Variants in GEN1 observed in about 807,000 individuals in gnomAD.
GEN1 encodes the protein flap endonuclease GEN homolog 1.
A neutral mutation model predicts 67.6 loss-of-function variants in GEN1; 64 were observed. The ratio of observed to expected loss-of-function variants is 0.95; its 90% CI spans 0.77 to 1.17. GEN1 has a LOEUF of 1.17. Ranked by LOEUF, GEN1 falls within the 50% of genes most tolerant of loss-of-function variation. GEN1 has a pLI of 0.00. For synonymous variants in GEN1, 371 were observed against 359.4 expected (o/e 1.03, Z -0.37); for missense variants, 1,058 against 1,048.3 (o/e 1.01, Z -0.13).
At chr2:17,759,579 T>C (rs1671579443) in intron 1 of GEN1, among the ~76,000 whole-genome samples, 1 of 152,100 alleles carries the variant, frequency 6.6e-6, no homozygotes, top group South Asian at 2.1e-4. Context: ...TTTGCATGCT[T>C]CCTTGCTTTT....
rs1466676324 is a variant in GEN1, at chr2:17,788,065, A to C, written c.*6126A>C. Reference sequence around the variant, plus strand: ...ATTAGCTTGATACCTAGTCGCCTTTAGCCACTTCAAGACGCCCTGCCAAGA... The same window carrying C: ...ATTAGCTTGATACCTAGTCGCCTTTCGCCACTTCAAGACGCCCTGCCAAGA... On this transcript the variant is annotated 3_prime_UTR_variant, in exon 14 of 14. Transcript: ENST00000381254. 6.6e-6 allele frequency: 1 copy of C among 152,240 alleles called. No homozygotes were observed. The highest frequency in any genetic ancestry group is 1.9e-4 in the East Asian group (1 of 5,190). 9.4% of individuals were successfully genotyped at this position (152,240 alleles called of 1,614,324 possible). A position where few individuals can be genotyped will look rare whatever the true frequency, so the allele number is the denominator to read the frequency against.
chr2:17,773,412 T>C (rs770361688), intron 10 of GEN1, 113 bp downstream of exon 10: 18 of 647,318 alleles, frequency 2.8e-5, no homozygotes, highest in Non-Finnish European at 4.5e-5. Flanking sequence ...CAGGCAGCTC[T>C]TATATTTTTT....
intron 9 of GEN1, 31 bp from the exon 10 acceptor site, chr2:17,773,188 T>A: frequency 6.4e-7 from 1 of 1,553,822 alleles, no homozygotes; most frequent in East Asian, 2.2e-5. Flanking sequence ...AAAGTTTAAA[T>A]CTCAGTTTCT....
chr2:17,777,373 C>T (rs1430036345), intron 11 of GEN1, among the ~76,000 whole-genome samples: 3 of 152,076 alleles, frequency 2.0e-5, no homozygotes, highest in African/African-American at 2.4e-5. Context: ...CATTCAAACA[C>T]TTAAGAGTAC....
Position 17,778,345 on chromosome 2 carries a change from C to T in GEN1, c.1264+282C>T, listed in dbSNP as rs1170033538. Among the ~76,000 whole-genome samples, 4 of 42,400 alleles carry T rather than the reference C, an allele frequency of 9.4e-5. 1 individual carries two copies. Among genetic ancestry groups the T allele is most frequent in the African/African-American group, 2.5e-4 (3 of 11,922 alleles). The allele number at this position is 42,400 out of a possible 152,430, so 27.8% of individuals were successfully genotyped here. A position where few individuals can be genotyped will look rare whatever the true frequency, so the allele number is the denominator to read the frequency against. ...ACACGTGTACATATATGTATACACA[C>T]ACATGTGTGTACATATATGTATATA... On this transcript the variant is annotated intron_variant, in intron 12 of 13. Transcript: ENST00000381254.
chr2:17,759,776 G>C (rs1671589094), intron 1 of GEN1, 153 bp from the exon 2 acceptor site: 1 of 568,206 alleles, frequency 1.8e-6, no homozygotes, highest in Non-Finnish European at 2.9e-6. Context: ...CGTTTCAGGT[G>C]TTCTTAATTC....
At position 17,781,258 on chromosome 2, in the gene GEN1, A is replaced by G. The variant is rs746731259; in HGVS notation, c.2046A>G (p.Leu682=). 9 of 1,613,594 alleles carry G rather than the reference A, an allele frequency of 5.6e-6. No individual in the cohort carries two copies. In the African/African-American group the frequency reaches 8.0e-5, roughly 14 times the overall value. The change falls in exon 14 of 14, where the codon TTA becomes TTG. Residue 682 remains leucine, a synonymous_variant. Coordinates refer to ENST00000381254, the MANE Select transcript of GEN1 (RefSeq NM_001130009.3). ...TAAAGGAACGAATATTTACAAAATT[A>G]TCATATCCTCAGGATAATCTACAAC... is the stretch of plus-strand genomic sequence containing the variant. ...LPLKERIFTK[L]SYPQDNLQPD... is the part of the protein sequence containing the mutation.
rs975681528 is a variant in GEN1, at chr2:17,778,178, A to G, written c.1264+115A>G. On this transcript the variant is annotated intron_variant, in intron 12 of 13. Coordinates refer to ENST00000381254, the MANE Select transcript of GEN1 (RefSeq NM_001130009.3). ...TACACACACACATAGATATGTGTAT[A>G]TATATATATACACACACACATATAT... 4.0e-3 allele frequency: 1,604 copies of G among 397,180 alleles called. 24 individuals are homozygous for G. The highest frequency in any genetic ancestry group is 5.9e-3 in the South Asian group (211 of 35,654). 24.6% of individuals were successfully genotyped at this position (397,180 alleles called of 1,614,324 possible). A position where few individuals can be genotyped will look rare whatever the true frequency, so the allele number is the denominator to read the frequency against.
chr2:17,769,239 A>T (rs945209093), intron 6 of GEN1, among the ~76,000 whole-genome samples: 4 of 151,656 alleles, frequency 2.6e-5, no homozygotes, highest in African/African-American at 9.7e-5. Flanking sequence ...TTAATATATT[A>T]ATTTTTAATT....
At chr2:17,760,313 A>C (rs1260816433) in intron 2 of GEN1, among the ~76,000 whole-genome samples, 1 of 152,198 alleles carries the variant, frequency 6.6e-6, no homozygotes, top group East Asian at 1.9e-4. Context: ...TCACATAGCT[A>C]TCTCCTACTT....
intron 1 of GEN1, among the ~76,000 whole-genome samples, chr2:17,758,599 A>G (rs1039488609): frequency 6.6e-6 from 1 of 152,200 alleles, no homozygotes; most frequent in African/African-American, 2.4e-5. Context: ...GTTACTACCA[A>G]ATACTTTCTT....
Position 17,780,755 on chromosome 2 carries a change from C to G in GEN1, c.1543C>G (p.Pro515Ala), listed in dbSNP as rs1232384158. 6.2e-7 allele frequency: 1 copy of G among 1,613,986 alleles called. No homozygotes were observed. The part of the protein sequence containing the change: ...SKLNSGISPD[P>A]TLPQESISAS... ...GTTAAATTCGGGGATTTCCCCTGAT[C>G]CTACATTACCACAGGAATCTATTTC... The change falls in exon 14 of 14, where the codon CCT becomes GCT. Residue 515 changes from proline (P) to alanine (A), a missense_variant. By Grantham distance (27) the Pro-to-Ala change is conservative. Coordinates refer to ENST00000381254, the MANE Select transcript of GEN1 (RefSeq NM_001130009.3).
chr2:17,753,344 G>A (rs376689222), upstream of GEN1, among the ~76,000 whole-genome samples: 16 of 152,340 alleles, frequency 1.1e-4, no homozygotes, highest in South Asian at 3.3e-3. Flanking sequence ...CGCCTGGGAG[G>A]GGACGGCCGC....
intron 11 of GEN1, among the ~76,000 whole-genome samples, chr2:17,777,396 T>C (rs984904632): frequency 3.9e-5 from 6 of 152,188 alleles, no homozygotes; most frequent in Admixed American, 3.9e-4. Context: ...GCTAGAAATA[T>C]AATCTCTGTC....
intron 6 of GEN1, 71 bp downstream of exon 6, chr2:17,768,882 G>T: frequency 1.2e-6 from 1 of 841,214 alleles, no homozygotes; most frequent in Non-Finnish European, 1.9e-6. Context: ...GAATAGTACA[G>T]GAAACAATTG....
At chr2:17,767,254 T>C (rs1011944510) in intron 5 of GEN1, among the ~76,000 whole-genome samples, 2 of 152,196 alleles carry the variant, frequency 1.3e-5, no homozygotes, top group African/African-American at 2.4e-5. Context: ...TTAAGTATTA[T>C]GAGAATAATC....
Position 17,782,983 on chromosome 2 carries a change from A to T in GEN1, c.*1044A>T, listed in dbSNP as rs567449346. On this transcript the variant is annotated 3_prime_UTR_variant, in exon 14 of 14. Coordinates refer to ENST00000381254, the MANE Select transcript of GEN1 (RefSeq NM_001130009.3). Reference sequence around the variant, plus strand: ...ATTCTAAGAAATCCACTAGAAAACTATTAAAACTGATAAAGCGAGTTCATC... The same window carrying T: ...ATTCTAAGAAATCCACTAGAAAACTTTTAAAACTGATAAAGCGAGTTCATC... The T allele has an allele frequency of 6.6e-6, 1 of 152,322 alleles. No homozygotes were observed. The highest frequency in any genetic ancestry group is 2.4e-5 in the African/African-American group (1 of 41,558). 9.4% of individuals were successfully genotyped at this position (152,322 alleles called of 1,614,324 possible).
At chr2:17,754,023 T>C (rs959114569), upstream of GEN1, 2 of 152,306 alleles carry the variant, frequency 1.3e-5, no homozygotes, top group South Asian at 2.1e-4. Context: ...CGGCAGCTGG[T>C]CTACGCATGC....
intron 5 of GEN1, 62 bp downstream of exon 5, chr2:17,766,751 G>A: frequency 2.4e-6 from 2 of 841,648 alleles, no homozygotes; most frequent in Admixed American, 4.1e-5. Flanking sequence ...TTTATGTGCT[G>A]TATAAATATG....
Sources: allele counts gnomAD v4.1 joint callset (sites outside exome capture counted in the v4.1 genomes callset), GRCh38; gene constraint gnomAD v4.1.1; transcripts MANE v1.5; gene names NCBI Gene and HGNC (gene_info 2026-07-23, HGNC 2026-07-21).